TTC29: variants seen among roughly 807,000 people sequenced by gnomAD.
The protein encoded by TTC29 is tetratricopeptide repeat protein 29.
A neutral mutation model predicts 58.1 loss-of-function variants in TTC29; 49 were observed. That is an observed-to-expected ratio of 0.84 (90% confidence interval 0.67 to 1.07). TTC29 has a LOEUF of 1.07. Among genes scored for constraint, TTC29 ranks in the 50% least tolerant of loss-of-function variants. The probability of loss-of-function intolerance (pLI) is 0.00; values close to 1 mark genes in which losing one functional copy is unlikely to be tolerated. For synonymous variants in TTC29, 209 were observed against 196.8 expected (o/e 1.06, Z -0.52); for missense variants, 582 against 555.6 (o/e 1.05, Z -0.48).
At chr4:146,803,423 GA>G in intron 11 of TTC29, 33 bp downstream of exon 11, 3 of 1,389,092 alleles carry the variant, frequency 2.2e-6, no homozygotes, top group Non-Finnish European at 2.9e-6. Flanking sequence ...AGAATGATAT[GA>G]AAACTAAAGT....
At chr4:146,933,812 A>G (rs1251177792) in intron 4 of TTC29, among the ~76,000 whole-genome samples, 1 of 152,166 alleles carries the variant, frequency 6.6e-6, no homozygotes, top group Non-Finnish European at 1.5e-5. Flanking sequence ...TTGCCTTTGA[A>G]CGATTCTACC....
intron 11 of TTC29, among the ~76,000 whole-genome samples, chr4:146,767,545 T>C (rs1042779396): frequency 2.0e-5 from 3 of 152,084 alleles, no homozygotes; most frequent in African/African-American, 4.8e-5. Context: ...TAATAACTTA[T>C]ATTTGTATAA....
chr4:146,942,660 G>A (rs1394793443), intron 2 of TTC29: 1 of 1,527,726 alleles, frequency 6.5e-7, no homozygotes. Flanking sequence ...AATCATCTAA[G>A]TTCTTAACCC....
chr4:146,816,696 A>T (rs1198840693), intron 10 of TTC29, among the ~76,000 whole-genome samples: 1 of 152,210 alleles, frequency 6.6e-6, no homozygotes, highest in Admixed American at 6.5e-5. Flanking sequence ...GAGGGGAGGC[A>T]AATGAGCCCA....
intron 8 of TTC29, among the ~76,000 whole-genome samples, chr4:146,838,043 C>T (rs143318371): frequency 2.6e-5 from 4 of 152,058 alleles, no homozygotes; most frequent in African/African-American, 2.4e-5. Context: ...GCCACTCTAT[C>T]CAATTGCTCC....
intron 4 of TTC29, among the ~76,000 whole-genome samples, chr4:146,913,401 C>G (rs1734020636): frequency 6.6e-6 from 1 of 151,988 alleles, no homozygotes. Context: ...TGGATTTGGT[C>G]CACCCAGCAT....
In TTC29 at chr4:146,903,717, T is replaced by TC; in HGVS notation, c.412dup (p.Asp138GlyfsTer4). 5 of 1,576,830 alleles carry TC rather than the reference T, an allele frequency of 3.2e-6. No homozygotes were observed. The highest frequency in any genetic ancestry group is 3.4e-6 in the Non-Finnish European group (4 of 1,162,700). On this transcript the variant is annotated frameshift_variant, in exon 6 of 13. Transcript: ENST00000325106. LOFTEE classifies it high-confidence loss of function. ...CAGAGCATACAAGTTATTATGTACA[T>TC]CTTCGAAGGATTCTTCAAAGAGAGA...
chr4:146,901,985 T>G (rs977999735), intron 6 of TTC29, among the ~76,000 whole-genome samples: 2 of 152,242 alleles, frequency 1.3e-5, no homozygotes, highest in Non-Finnish European at 2.9e-5. Context: ...ATTTCATGAC[T>G]GCACAGAACT....
chr4:146,811,247 G>A (rs945994189), intron 10 of TTC29, among the ~76,000 whole-genome samples: 11 of 151,974 alleles, frequency 7.2e-5, no homozygotes, highest in South Asian at 2.1e-4. Flanking sequence ...TAAATACTTC[G>A]TATATATTAT....
intron 2 of TTC29, among the ~76,000 whole-genome samples, chr4:146,944,582 T>A (rs1030472498): frequency 3.9e-5 from 6 of 152,180 alleles, no homozygotes; most frequent in Non-Finnish European, 8.8e-5. Flanking sequence ...TGTCTGAGGC[T>A]GACCAGTGTC....
At chr4:146,835,531 C>A (rs958984732) in intron 8 of TTC29, among the ~76,000 whole-genome samples, 29 of 152,046 alleles carry the variant, frequency 1.9e-4, no homozygotes, top group African/African-American at 6.5e-4. Context: ...CAAAATAGTT[C>A]ATTTGTTTTT....
intron 9 of TTC29, among the ~76,000 whole-genome samples, chr4:146,821,778 A>G (rs911449875): frequency 6.6e-6 from 1 of 152,168 alleles, no homozygotes; most frequent in African/African-American, 2.4e-5. Flanking sequence ...AGTAACATCA[A>G]GAAACTTTGG....
At chr4:146,799,824 T>C (rs935688089) in intron 11 of TTC29, among the ~76,000 whole-genome samples, 1 of 152,208 alleles carries the variant, frequency 6.6e-6, no homozygotes, top group Admixed American at 6.5e-5. Context: ...GCTATTAAGT[T>C]GAATATGGAA....
At chr4:146,845,092 C>T (rs1247831489) in intron 8 of TTC29, among the ~76,000 whole-genome samples, 5 of 152,096 alleles carry the variant, frequency 3.3e-5, no homozygotes, top group Admixed American at 1.3e-4. Context: ...CCTGGGAATT[C>T]GTAGGATTAG....
At chr4:146,766,707 T>C (rs933078174) in intron 11 of TTC29, among the ~76,000 whole-genome samples, 4 of 152,104 alleles carry the variant, frequency 2.6e-5, no homozygotes, top group Admixed American at 2.6e-4. Context: ...TTTTATAAGA[T>C]CTTTGGCAAA....
chr4:146,725,561 G>T (rs1390094384), intron 11 of TTC29, among the ~76,000 whole-genome samples: 1 of 152,040 alleles, frequency 6.6e-6, no homozygotes, highest in Non-Finnish European at 1.5e-5. Context: ...TGGAAAAAAG[G>T]CTACTTTTAT....
At chr4:146,721,007 AG>A (rs1288752842) in intron 11 of TTC29, among the ~76,000 whole-genome samples, 10 of 152,120 alleles carry the variant, frequency 6.6e-5, no homozygotes, top group South Asian at 2.1e-4. Context: ...TACATGGCTG[AG>A]GAGGGGCATG....
At chr4:146,754,763 AAGT>A (rs1339817597) in intron 11 of TTC29, among the ~76,000 whole-genome samples, 1 of 152,138 alleles carries the variant, frequency 6.6e-6, no homozygotes, top group Non-Finnish European at 1.5e-5. Context: ...TATAGAAGGA[AAGT>A]AGCTCAACAT....
At chr4:146,783,496 T>C (rs1049309958) in intron 11 of TTC29, among the ~76,000 whole-genome samples, 3 of 152,066 alleles carry the variant, frequency 2.0e-5, no homozygotes, top group African/African-American at 7.2e-5. Flanking sequence ...TGTGAACACA[T>C]TTTGATTCAT....
Sources: gnomAD v4.1 joint callset for allele counts (sites outside exome capture counted in the v4.1 genomes callset) on GRCh38, gnomAD v4.1.1 for gene constraint, MANE v1.5 for transcripts, NCBI Gene and HGNC (gene_info 2026-07-23, HGNC 2026-07-21) for gene names.